Variants in SERPINB10 observed in about 807,000 individuals in gnomAD.
SERPINB10 encodes serpin family B member 10.
A neutral mutation model predicts 39.1 loss-of-function variants in SERPINB10; 35 were observed. The ratio of observed to expected loss-of-function variants is 0.90; its 90% CI spans 0.68 to 1.19. SERPINB10 has a LOEUF of 1.19. Among genes scored for constraint, SERPINB10 ranks in the 50% most tolerant of loss-of-function variants. The pLI is 0.00. For missense variants in SERPINB10, 546 were observed against 460.5 expected (o/e 1.19, Z -1.70); for synonymous variants, 190 against 158.1 (o/e 1.20, Z -1.52).
At chr18:63,929,060 T>C (rs1364386036) in intron 5 of SERPINB10, among the ~76,000 whole-genome samples, 1 of 152,182 alleles carries the variant, frequency 6.6e-6, no homozygotes, top group African/African-American at 2.4e-5. Context: ...GATGAACATA[T>C]GAACCATAGT....
chr18:63,918,784 C>A (rs1007867787), intron 4 of SERPINB10, among the ~76,000 whole-genome samples: 2 of 151,888 alleles, frequency 1.3e-5, no homozygotes, highest in African/African-American at 4.8e-5. Flanking sequence ...ATAAAATCAT[C>A]CAAATGGAAT....
intron 1 of SERPINB10, among the ~76,000 whole-genome samples, chr18:63,913,004 G>C (rs1323815722): frequency 1.3e-5 from 2 of 151,880 alleles, no homozygotes; most frequent in African/African-American, 4.8e-5. Context: ...ATTTAATCTT[G>C]AGAGGTTGTG....
chr18:63,920,168 A>G lies in SERPINB10; in HGVS notation c.490+263A>G, dbSNP rs577836127. ...TCATCTCCCACTAATTCCAAAGAAGAGCCCAAGGGTAAAAAGCAGAAAAAT... is the reference window on the plus strand; with the variant it reads ...TCATCTCCCACTAATTCCAAAGAAGGGCCCAAGGGTAAAAAGCAGAAAAAT... On this transcript the variant is annotated intron_variant, in intron 5 of 7. Coordinates refer to ENST00000238508, the MANE Select transcript of SERPINB10 (RefSeq NM_005024.3). Among the ~76,000 whole-genome samples, 7 of 152,182 alleles carry G rather than the reference A, an allele frequency of 4.6e-5. No homozygotes were observed. In the South Asian group the frequency reaches 1.2e-3, roughly 27 times the overall value.
intron 1 of SERPINB10, among the ~76,000 whole-genome samples, chr18:63,912,137 T>C (rs2050069567): frequency 6.6e-6 from 1 of 151,990 alleles, no homozygotes; most frequent in African/African-American, 2.4e-5. Flanking sequence ...GATTTTGTGT[T>C]CTGAAGCTTT....
rs777538188 is a variant in SERPINB10 at position 63,917,533 on chromosome 18, C to T, written c.234+12C>T. Reference sequence around the variant, plus strand: ...AAAAAAGGAAAATGGTATATCTTATCCTTTAATATATATTTCATAATTAAG... The same window carrying T: ...AAAAAAGGAAAATGGTATATCTTATTCTTTAATATATATTTCATAATTAAG... On this transcript the variant is annotated intron_variant, in intron 3 of 7. Transcript: ENST00000238508. The T allele has an allele frequency of 7.0e-7, 1 of 1,418,626 alleles. No homozygotes were observed. Among genetic ancestry groups the T allele is most frequent in the Non-Finnish European group, 9.6e-7 (1 of 1,039,490 alleles). 87.9% of individuals were successfully genotyped at this position (1,418,626 alleles called of 1,614,324 possible). A position where few individuals can be genotyped will look rare whatever the true frequency, so the allele number is the denominator to read the frequency against.
At position 63,907,969 on chromosome 18, in the gene SERPINB10, TCTCAA is replaced by T. The variant is rs765476194; in HGVS notation, c.-77_-73del. The T allele has an allele frequency of 3.1e-6, 1 of 322,630 alleles. No individual in the cohort carries two copies. The highest frequency in any genetic ancestry group is 2.6e-5 in the South Asian group (1 of 38,362). The allele number at this position is 322,630 out of a possible 1,614,324, so 20.0% of individuals were successfully genotyped here. On this transcript the variant is annotated 5_prime_UTR_variant, in exon 1 of 8. Transcript: ENST00000238508. The stretch of plus-strand genomic sequence containing the variant: ...TTTTTAATTTCTTCAGTTGAAAGTT[TCTCAA>T]CTCTTCAGCCACAATCTCTTACTAC...
chr18:63,929,796 A>C (rs980212875), intron 5 of SERPINB10, among the ~76,000 whole-genome samples: 8 of 151,778 alleles, frequency 5.3e-5, no homozygotes, highest in African/African-American at 1.9e-4. Context: ...TTATAATTAA[A>C]ATGCAAATTT....
chr18:63,915,432 C>A, intron 1 of SERPINB10, 70 bp from the exon 2 acceptor site: 1 of 1,135,052 alleles, frequency 8.8e-7, no homozygotes, highest in Non-Finnish European at 1.3e-6. Context: ...ACTATGAATA[C>A]ATATTTTTTC....
At chr18:63,923,373 G>T (rs56207918) in intron 5 of SERPINB10, among the ~76,000 whole-genome samples, 45,572 of 151,796 alleles carry the variant, frequency 0.3, 7,271 homozygotes, top group African/African-American at 0.4. Flanking sequence ...TTAAGGGAAA[G>T]TTGCTAGGGT....
intron 2 of SERPINB10, 45 bp from the exon 3 acceptor site, chr18:63,917,411 T>C: frequency 1.8e-6 from 2 of 1,115,186 alleles, no homozygotes; most frequent in South Asian, 2.9e-5. Context: ...TTTATATAAT[T>C]ACTTCTCTGC....
intron 1 of SERPINB10, among the ~76,000 whole-genome samples, chr18:63,913,193 T>C (rs2050077367): frequency 6.6e-6 from 1 of 151,962 alleles, no homozygotes; most frequent in Admixed American, 6.6e-5. Flanking sequence ...TAGCCTGCAG[T>C]CTATCAATCA....
Position 63,918,036 on chromosome 18 carries a change from C to G in SERPINB10, c.306C>G (p.Pro102=), listed in dbSNP as rs1205975445. The G allele has an allele frequency of 1.9e-6, 3 of 1,612,234 alleles. No homozygotes were observed. Among genetic ancestry groups the G allele is most frequent in the Admixed American group, 3.3e-5 (2 of 59,816 alleles). The change falls in exon 4 of 8, where the codon CCC becomes CCG. Residue 102 remains proline (P), a synonymous_variant. Coordinates refer to ENST00000238508, the MANE Select transcript of SERPINB10 (RefSeq NM_005024.3). ...FQTLISEILK[P]NDDYLLKTAN... is the part of the protein sequence containing the mutation. ...CACTTATCTCAGAAATCCTCAAGCC[C>G]AACGATGACTACTTACTTAAAACAG...
rs966283135 is a variant in SERPINB10 at position 63,935,953 on chromosome 18, C to G, written c.*711C>G. The G allele has an allele frequency of 1.3e-5, 2 of 152,226 alleles. No individual in the cohort carries two copies. The highest frequency in any genetic ancestry group is 4.8e-5 in the African/African-American group (2 of 41,456). 9.4% of individuals were successfully genotyped at this position (152,226 alleles called of 1,614,324 possible). ...TTTGAAGTTTAGCTAGTAGCAATCT[C>G]TCAATGTTGGTGCCCTAGTTTTGAC... is the stretch of plus-strand genomic sequence containing the variant. On this transcript the variant is annotated 3_prime_UTR_variant, in exon 8 of 8. Coordinates refer to ENST00000238508, the MANE Select transcript of SERPINB10 (RefSeq NM_005024.3).
chr18:63,923,604 G>C (rs539415369), intron 5 of SERPINB10, among the ~76,000 whole-genome samples: 1 of 151,594 alleles, frequency 6.6e-6, no homozygotes, highest in Non-Finnish European at 1.5e-5. Context: ...TTCTAGGCAG[G>C]GGTCTTTTTA....
chr18:63,930,303 G>A, intron 6 of SERPINB10, 116 bp downstream of exon 6: 1 of 1,118,734 alleles, frequency 8.9e-7, no homozygotes, highest in Non-Finnish European at 1.3e-6. Flanking sequence ...CTCTTACCAG[G>A]GAAGTGATGG....
Position 63,910,856 on chromosome 18 carries a change from A to T in SERPINB10, c.-10+2816A>T, listed in dbSNP as rs758203046. Reference sequence around the variant, plus strand: ...GATTGCTGGGTTGAAGGGTAGTTCTAACTTCCTTGGGAAATCTCCAATCTG... The same window carrying T: ...GATTGCTGGGTTGAAGGGTAGTTCTTACTTCCTTGGGAAATCTCCAATCTG... On this transcript the variant is annotated intron_variant, in intron 1 of 7. Coordinates refer to ENST00000238508, the MANE Select transcript of SERPINB10 (RefSeq NM_005024.3). Among the ~76,000 whole-genome samples the T allele has an allele frequency of 2.0e-5, 3 of 151,854 alleles. No homozygotes were observed. The South Asian group carries it at 6.2e-4, about 31-fold the overall frequency.
chr18:63,914,349 T>C (rs1370422007), intron 1 of SERPINB10, among the ~76,000 whole-genome samples: 1 of 152,108 alleles, frequency 6.6e-6, no homozygotes, highest in Non-Finnish European at 1.5e-5. Context: ...GTGTGGTTGC[T>C]TTATAAAGTG....
At chr18:63,911,199 A>G (rs542811493) in intron 1 of SERPINB10, among the ~76,000 whole-genome samples, 10 of 152,110 alleles carry the variant, frequency 6.6e-5, no homozygotes, top group South Asian at 6.2e-4. Flanking sequence ...TGTCAGTGGA[A>G]TAGTTTGCAA....
At position 63,919,880 on chromosome 18, in the gene SERPINB10, C is replaced by T; in HGVS notation, c.465C>T (p.Asn155=). ...EASDQIRKDI[N]SWVERQTEGK... is the part of the protein sequence containing the mutation. ...CTGATCAAATCAGAAAGGACATCAA[C>T]TCTTGGGTTGAAAGACAGACCGAGG... Residue 155 remains asparagine, a synonymous_variant, in exon 5 of 8, where the codon AAC becomes AAT. Transcript: ENST00000238508. 6.2e-7 allele frequency: 1 copy of T among 1,609,868 alleles called. No individual in the cohort carries two copies. Among genetic ancestry groups the T allele is most frequent in the African/African-American group, 1.3e-5 (1 of 74,480 alleles).
Sources: gnomAD v4.1 joint callset for allele counts (sites outside exome capture counted in the v4.1 genomes callset) on GRCh38, gnomAD v4.1.1 for gene constraint, MANE v1.5 for transcripts, NCBI Gene and HGNC (gene_info 2026-07-23, HGNC 2026-07-21) for gene names.